The following SLC39A11 variants were observed in gnomAD, a reference collection of about 807,000 sequenced individuals.
SLC39A11 encodes the protein zinc transporter ZIP11.
A neutral mutation model predicts 36.1 loss-of-function variants in SLC39A11; 33 were observed. The observed-to-expected ratio is 0.91, with a 90% CI of 0.69 to 1.22. The LOEUF is 1.22. Ranked by LOEUF, SLC39A11 falls within the 50% of genes most tolerant of loss-of-function variation. The pLI is 0.00. For synonymous variants in SLC39A11, 166 were observed against 170.3 expected (o/e 0.97, Z 0.20); for missense variants, 432 against 430.3 (o/e 1.00, Z -0.03).
intron 4 of SLC39A11, among the ~76,000 whole-genome samples, chr17:72,949,268 C>G (rs1167486120): frequency 2.1e-5 from 3 of 146,268 alleles, no homozygotes; most frequent in Non-Finnish European, 1.5e-5. Context: ...TCAAGCAATT[C>G]TCCTGCCTCA....
chr17:73,004,964 C>T (rs2090100124), intron 4 of SLC39A11, among the ~76,000 whole-genome samples: 2 of 152,288 alleles, frequency 1.3e-5, no homozygotes, highest in South Asian at 4.1e-4. Flanking sequence ...CCTAACCCCC[C>T]AACACATATA....
At chr17:72,874,406 A>G (rs1250396678) in intron 5 of SLC39A11, among the ~76,000 whole-genome samples, 1 of 152,092 alleles carries the variant, frequency 6.6e-6, no homozygotes, top group Non-Finnish European at 1.5e-5. Flanking sequence ...TTTGTGGGAA[A>G]GCTCCATCCT....
chr17:72,836,113 G>T lies in SLC39A11; in HGVS notation c.601+13521C>A, dbSNP rs2078532167. Among the ~76,000 whole-genome samples the T allele has an allele frequency of 1.3e-5, 2 of 152,202 alleles. 1 individual carries two copies. The highest frequency in any genetic ancestry group is 4.1e-4 in the South Asian group (2 of 4,832). On this transcript the variant is annotated intron_variant, in intron 6 of 9. Transcript: ENST00000255559. ...CCTGCCCAAGTCTCCTTGCTGAACT[G>T]AGCCCGATGCATCTGGAGTGAGAAC...
chr17:73,031,447 G>T (rs2058735474), intron 4 of SLC39A11, 109 bp downstream of exon 4: 2 of 1,188,742 alleles, frequency 1.7e-6, no homozygotes, highest in South Asian at 1.5e-5. Flanking sequence ...AATACCACTG[G>T]CTACTTAACA....
intron 3 of SLC39A11, among the ~76,000 whole-genome samples, chr17:73,035,459 G>T: frequency 6.6e-6 from 1 of 152,236 alleles, no homozygotes; most frequent in East Asian, 1.9e-4. Flanking sequence ...TTTAAAGGGC[G>T]AGTGGGGTAG....
At chr17:72,945,063 G>GGATGGATGGATGGATGGATC (rs1177089700) in intron 5 of SLC39A11, among the ~76,000 whole-genome samples, 1 of 151,968 alleles carries the variant, frequency 6.6e-6, no homozygotes, top group African/African-American at 2.4e-5. Context: ...ATGGATGGAT[G>GGATGGATGGATGGATGGATC]GATGGATGGG....
chr17:72,900,234 A>T (rs2082323186), intron 5 of SLC39A11, among the ~76,000 whole-genome samples: 1 of 151,994 alleles, frequency 6.6e-6, no homozygotes, highest in African/African-American at 2.4e-5. Context: ...AGAAAGAAAA[A>T]GACAGCAAGG....
chr17:72,949,744 A>T (rs1477254021), intron 4 of SLC39A11, among the ~76,000 whole-genome samples: 1 of 151,916 alleles, frequency 6.6e-6, no homozygotes, highest in Non-Finnish European at 1.5e-5. Flanking sequence ...GGGGATGCAA[A>T]CATTTTCAGG....
intron 6 of SLC39A11, among the ~76,000 whole-genome samples, chr17:72,757,795 T>C (rs1259063601): frequency 6.6e-6 from 1 of 152,196 alleles, no homozygotes; most frequent in Non-Finnish European, 1.5e-5. Flanking sequence ...ATTCTCACCT[T>C]ATTGTGTGTT....
chr17:72,832,180 T>G (rs1270313987), intron 6 of SLC39A11, among the ~76,000 whole-genome samples: 1 of 152,168 alleles, frequency 6.6e-6, no homozygotes, highest in Non-Finnish European at 1.5e-5. Context: ...TGTGGTGCTG[T>G]CCCTTAGGGC....
chr17:72,819,853 G>C (rs909830142), intron 6 of SLC39A11, among the ~76,000 whole-genome samples: 3 of 151,130 alleles, frequency 2.0e-5, no homozygotes, highest in African/African-American at 7.3e-5. Context: ...AACTCCAAAG[G>C]AGAGCCCAGA....
At chr17:72,695,092 C>T (rs913711351) in intron 7 of SLC39A11, among the ~76,000 whole-genome samples, 5 of 152,182 alleles carry the variant, frequency 3.3e-5, no homozygotes, top group Admixed American at 6.5e-5. Flanking sequence ...GAATGGGGTA[C>T]ACAAAGGTCA....
chr17:72,661,172 G>A (rs2070399041), intron 7 of SLC39A11, among the ~76,000 whole-genome samples: 1 of 152,178 alleles, frequency 6.6e-6, no homozygotes. Flanking sequence ...AAAGCCAGTG[G>A]TCACTCTCAA....
chr17:72,749,953 A>G (rs766853085), intron 6 of SLC39A11, among the ~76,000 whole-genome samples: 2 of 152,150 alleles, frequency 1.3e-5, no homozygotes, highest in Non-Finnish European at 2.9e-5. Flanking sequence ...CCTGCAGCTG[A>G]GAGCACACGC....
chr17:72,765,771 C>G (rs1159343359), intron 6 of SLC39A11, among the ~76,000 whole-genome samples: 1 of 152,200 alleles, frequency 6.6e-6, no homozygotes, highest in Non-Finnish European at 1.5e-5. Flanking sequence ...TCAGTTTCAT[C>G]TTTGTGTTCT....
chr17:73,068,334 G>A, intron 3 of SLC39A11: 1 of 551,740 alleles, frequency 1.8e-6, no homozygotes. Context: ...TAGCCACTAT[G>A]TTTCAGGTCT....
At chr17:72,942,171 C>T (rs1426957317) in intron 5 of SLC39A11, among the ~76,000 whole-genome samples, 1 of 151,928 alleles carries the variant, frequency 6.6e-6, no homozygotes, top group African/African-American at 2.4e-5. Flanking sequence ...GCTGGGATTA[C>T]ACGTGCATTC....
At chr17:73,016,959 C>T (rs2058189369) in intron 4 of SLC39A11, among the ~76,000 whole-genome samples, 1 of 152,186 alleles carries the variant, frequency 6.6e-6, no homozygotes, top group Admixed American at 6.5e-5. Context: ...AAAAGAAATG[C>T]CTGTGGCCAG....
At chr17:72,843,042 T>C (rs935001458) in intron 6 of SLC39A11, among the ~76,000 whole-genome samples, 3 of 152,182 alleles carry the variant, frequency 2.0e-5, no homozygotes, top group Admixed American at 6.5e-5. Flanking sequence ...CTCTGCCTCC[T>C]GGGTTCAAGT....
Sources: gnomAD v4.1 joint callset for allele counts (sites outside exome capture counted in the v4.1 genomes callset) on GRCh38, gnomAD v4.1.1 for gene constraint, MANE v1.5 for transcripts, NCBI Gene and HGNC (gene_info 2026-07-23, HGNC 2026-07-21) for gene names.